The following SLC9B1 variants were observed in gnomAD, a reference collection of about 807,000 sequenced individuals.
SLC9B1 encodes solute carrier family 9 member B1.
SLC9B1 carries 32 observed loss-of-function variants against 51.7 expected under a neutral mutation model. That is an observed-to-expected ratio of 0.62 (90% confidence interval 0.47 to 0.83). SLC9B1 has a LOEUF of 0.83. Among genes scored for constraint, SLC9B1 ranks in the 40% least tolerant of loss-of-function variants. SLC9B1 has a pLI of 0.00. For synonymous variants in SLC9B1, 145 were observed against 212.7 expected (o/e 0.68, Z 2.77); for missense variants, 406 against 613.2 (o/e 0.66, Z 3.57).
At chr4:103,006,888 T>A (rs1740816419) in intron 1 of SLC9B1, among the ~76,000 whole-genome samples, 1 of 152,170 alleles carries the variant, frequency 6.6e-6, no homozygotes, top group Non-Finnish European at 1.5e-5. Flanking sequence ...CAAAACCATA[T>A]AATAATCTCG....
At chr4:102,999,763 A>G (rs1740421163) in intron 1 of SLC9B1, among the ~76,000 whole-genome samples, 1 of 152,176 alleles carries the variant, frequency 6.6e-6, no homozygotes, top group African/African-American at 2.4e-5. Flanking sequence ...ATTTTGCCCT[A>G]GGTGATTTCC....
chr4:102,970,356 T>C (rs1242315305), intron 3 of SLC9B1, among the ~76,000 whole-genome samples: 1 of 152,134 alleles, frequency 6.6e-6, no homozygotes, highest in East Asian at 1.9e-4. Context: ...AGAAAAGAAT[T>C]TTCAACTCAG....
chr4:102,974,241 TGAAAAAAA>T (rs1362176621), intron 3 of SLC9B1, among the ~76,000 whole-genome samples: 2 of 16,758 alleles, frequency 1.2e-4, no homozygotes, highest in African/African-American at 3.7e-4. Context: ...TGTCTAAAAT[TGAAAAAAA>T]AAAAAAAAAA....
chr4:102,945,530 ATAT>A (rs1005207214), intron 5 of SLC9B1, among the ~76,000 whole-genome samples: 2 of 152,054 alleles, frequency 1.3e-5, no homozygotes, highest in South Asian at 2.1e-4. Flanking sequence ...CTTTTTAAAA[ATAT>A]TATTATATTT....
intron 7 of SLC9B1, among the ~76,000 whole-genome samples, chr4:102,916,309 A>G (rs1735574201): frequency 6.6e-6 from 1 of 152,200 alleles, no homozygotes; most frequent in African/African-American, 2.4e-5. Context: ...GACAAAATAG[A>G]GTTTAAGTCA....
chr4:102,999,318 T>C (rs1375501580), intron 1 of SLC9B1, among the ~76,000 whole-genome samples: 2 of 152,240 alleles, frequency 1.3e-5, no homozygotes, highest in Non-Finnish European at 2.9e-5. Context: ...AATTTATCTG[T>C]TTTTCCTTTT....
chr4:102,922,214 T>C (rs1214189108), intron 7 of SLC9B1, among the ~76,000 whole-genome samples: 2 of 152,210 alleles, frequency 1.3e-5, no homozygotes. Context: ...AAACTGTCTC[T>C]CAGACCACAG....
downstream of SLC9B1, among the ~76,000 whole-genome samples, chr4:102,900,555 T>TA (rs1182793781): frequency 1.3e-5 from 2 of 152,210 alleles, no homozygotes; most frequent in Admixed American, 6.5e-5. Context: ...ATGGCAGAAG[T>TA]AAGGAAAGAC....
At chr4:102,887,286 C>G in intron 11 of SLC9B1, 1 of 1,034,188 alleles carries the variant, frequency 9.7e-7, no homozygotes, top group Non-Finnish European at 1.5e-6. Flanking sequence ...ACAAATGTTT[C>G]TACCTAATGA....
At chr4:102,987,626 T>C (rs1252478468) in intron 3 of SLC9B1, among the ~76,000 whole-genome samples, 3 of 152,122 alleles carry the variant, frequency 2.0e-5, no homozygotes, top group African/African-American at 7.2e-5. Flanking sequence ...TTCACAATGG[T>C]TACCCTCCTC....
At chr4:102,949,584 T>G (rs1166802005) in intron 3 of SLC9B1, among the ~76,000 whole-genome samples, 157 bp from the exon 4 acceptor site, 1 of 152,224 alleles carries the variant, frequency 6.6e-6, no homozygotes, top group Non-Finnish European at 1.5e-5. Context: ...GAAAGAGATA[T>G]CTGCTTAACA....
intron 7 of SLC9B1, among the ~76,000 whole-genome samples, chr4:102,924,120 C>G (rs1235570818): frequency 6.6e-6 from 1 of 152,150 alleles, no homozygotes; most frequent in Non-Finnish European, 1.5e-5. Context: ...GCCAAAAGAA[C>G]AAAGCTGGAG....
intron 7 of SLC9B1, among the ~76,000 whole-genome samples, chr4:102,917,310 C>T (rs1326879016): frequency 6.6e-6 from 1 of 152,068 alleles, no homozygotes; most frequent in Non-Finnish European, 1.5e-5. Flanking sequence ...TTAGGCTTCT[C>T]TCATTTTCCG....
At chr4:102,930,995 C>T (rs9685621) in intron 7 of SLC9B1, among the ~76,000 whole-genome samples, 82,482 of 151,558 alleles carry the variant, frequency 0.54, 22,970 homozygotes, top group African/African-American at 0.68. Context: ...GAGGCCGAGG[C>T]GGGCGGATCA....
chr4:102,894,288 CAAGG>C (rs1293945877), intron 11 of SLC9B1, among the ~76,000 whole-genome samples: 1 of 152,064 alleles, frequency 6.6e-6, no homozygotes. Flanking sequence ...TCAATTAAAA[CAAGG>C]AACCAGTAGG....
intron 7 of SLC9B1, among the ~76,000 whole-genome samples, chr4:102,921,552 A>G (rs1486340876): frequency 6.6e-6 from 1 of 152,214 alleles, no homozygotes; most frequent in African/African-American, 2.4e-5. Context: ...TCAAATTCAC[A>G]CATAACAATA....
chr4:102,973,014 C>T (rs1738845530), intron 3 of SLC9B1, among the ~76,000 whole-genome samples: 2 of 151,966 alleles, frequency 1.3e-5, no homozygotes, highest in African/African-American at 4.8e-5. Flanking sequence ...GGGGAAAAAC[C>T]TTGATCAATC....
chr4:102,893,306 GAA>G (rs1246477597), intron 11 of SLC9B1, among the ~76,000 whole-genome samples: 1 of 81,422 alleles, frequency 1.2e-5, no homozygotes, highest in African/African-American at 5.3e-5. Context: ...AAAAAAAAAA[GAA>G]AAAGAAAAAA....
chr4:102,892,416 T>G (rs1734295104), intron 11 of SLC9B1: 1 of 152,222 alleles, frequency 6.6e-6, no homozygotes, highest in Non-Finnish European at 1.5e-5. Flanking sequence ...AGCATCACTT[T>G]AATATAAAAA....
Sources: gnomAD v4.1 joint callset for allele counts (sites outside exome capture counted in the v4.1 genomes callset) on GRCh38, gnomAD v4.1.1 for gene constraint, MANE v1.5 for transcripts, NCBI Gene and HGNC (gene_info 2026-07-23, HGNC 2026-07-21) for gene names.